The following ARHGEF12 variants were observed in gnomAD, a reference collection of about 807,000 sequenced individuals.
The protein encoded by ARHGEF12 is KMT2A/ARHGEF12 fusion protein.
In ARHGEF12, 66 loss-of-function variants were observed where a neutral mutation model predicts 211.2. The ratio of observed to expected loss-of-function variants is 0.31; its 90% CI spans 0.26 to 0.38. The LOEUF (loss-of-function observed/expected upper bound fraction) is 0.38, where lower values mean the gene tolerates loss of function less well. ARHGEF12 is among the 10% of genes least tolerant of loss of function. The pLI is 1.00. For missense variants in ARHGEF12, 1,429 were observed against 1,869.5 expected (o/e 0.76, Z 4.34); for synonymous variants, 592 against 638.4 (o/e 0.93, Z 1.09).
intron 1 of ARHGEF12, among the ~76,000 whole-genome samples, chr11:120,355,842 T>C (rs938206348): frequency 2.6e-5 from 4 of 152,372 alleles, no homozygotes; most frequent in African/African-American, 4.8e-5. Context: ...TTAAGATAAA[T>C]TACAGGAGTA....
At position 120,440,230 on chromosome 11, in the gene ARHGEF12, T is replaced by A. The variant is rs1945829983; in HGVS notation, c.1092+9T>A. The A allele has an allele frequency of 6.3e-7, 1 of 1,596,206 alleles. No homozygotes were observed. Among genetic ancestry groups the A allele is most frequent in the Non-Finnish European group, 8.6e-7 (1 of 1,169,470 alleles). On this transcript the variant is annotated intron_variant, in intron 13 of 40. Transcript: ENST00000397843. The stretch of plus-strand genomic sequence containing the variant: ...GTACTGAACATGAACAGGTGATGAC[T>A]TTTTTCTTTCTAAAAAATAGATTGT...
At chr11:120,482,134 C>A (rs1947263374) in intron 39 of ARHGEF12, among the ~76,000 whole-genome samples, 1 of 152,144 alleles carries the variant, frequency 6.6e-6, no homozygotes, top group South Asian at 2.1e-4. Context: ...GTATGGGTGT[C>A]TAAGTTTAAG....
rs2136040989 is a variant in ARHGEF12, at chr11:120,487,061, G to GGGTT, written c.*1985_*1988dup. 1.4e-5 allele frequency: 3 copies of GGGTT among 216,796 alleles called. No homozygotes were observed. In the East Asian group the frequency reaches 2.0e-4, roughly 15 times the overall value. The allele number at this position is 216,796 out of a possible 1,614,324, so 13.4% of individuals were successfully genotyped here. ...GAAATAATGTCATTCTCAATTAAAAGGGTTACACCTGTAGCCACTTGACAC... is the reference window on the plus strand; with the variant it reads ...GAAATAATGTCATTCTCAATTAAAAGGGTTGGTTACACCTGTAGCCACTTGACAC... On this transcript the variant is annotated 3_prime_UTR_variant, in exon 41 of 41. Transcript: ENST00000397843.
intron 1 of ARHGEF12, among the ~76,000 whole-genome samples, chr11:120,349,671 G>A (rs543096423): frequency 1.3e-5 from 2 of 152,264 alleles, no homozygotes; most frequent in African/African-American, 2.4e-5. Context: ...CAGAATTGTC[G>A]TGACGATTAA....
chr11:120,450,287 C>G (rs1043134981), intron 21 of ARHGEF12: 4 of 140,306 alleles, frequency 2.9e-5, no homozygotes, highest in African/African-American at 1.1e-4. Context: ...GGTAGTATTG[C>G]TTTAGTCTGG....
chr11:120,389,733 G>A (rs137883381), intron 1 of ARHGEF12, among the ~76,000 whole-genome samples: 2,808 of 152,258 alleles, frequency 0.018, 42 homozygotes, highest in Non-Finnish European at 0.029. Flanking sequence ...CATGAGTTCA[G>A]TTGTTTTAAT....
rs774457237 is a variant in ARHGEF12, at chr11:120,451,596, C to G, written c.1928C>G (p.Ser643Cys). Residue 643 changes from serine to cysteine, a missense_variant, in exon 22 of 41, where the codon TCT (serine) becomes TGT (cysteine). By Grantham distance (112) the Ser-to-Cys change is moderately radical. Transcript: ENST00000397843. ...PSSVSPEPQDSAKLRQSGLAN... is the reference protein window; with the variant it reads ...PSSVSPEPQDCAKLRQSGLAN... ...TCTGTGAGTCCTGAACCTCAGGACT[C>G]TGCCAAGTTGCGCCAGAGTGGGTTA... 83 of 1,614,072 alleles carry G rather than the reference C, an allele frequency of 5.1e-5. No individual in the cohort carries two copies. Among genetic ancestry groups the G allele is most frequent in the Non-Finnish European group, 6.9e-5 (81 of 1,180,048 alleles).
intron 7 of ARHGEF12, among the ~76,000 whole-genome samples, chr11:120,425,088 A>G (rs1945299518): frequency 6.6e-6 from 1 of 152,170 alleles, no homozygotes. Context: ...TCAAAGGTGG[A>G]TTCACGAACC....
intron 30 of ARHGEF12, among the ~76,000 whole-genome samples, chr11:120,470,247 G>A (rs1946829822): frequency 6.6e-6 from 1 of 152,208 alleles, no homozygotes; most frequent in African/African-American, 2.4e-5. Context: ...AAGAAGGGTG[G>A]TGGATGAAAG....
At chr11:120,460,273 C>T (rs557493459) in intron 26 of ARHGEF12, among the ~76,000 whole-genome samples, 1 of 152,274 alleles carries the variant, frequency 6.6e-6, no homozygotes, top group East Asian at 1.9e-4. Context: ...CACAGGCATG[C>T]ATTGACAAGT....
rs1292158379 is a variant in ARHGEF12 at position 120,477,082 on chromosome 11, TTG to T, written c.3366-135_3366-134del. 6 of 231,894 alleles carry T rather than the reference TTG, an allele frequency of 2.6e-5. No homozygotes were observed. The African/African-American group carries it at 4.1e-4, about 16-fold the overall frequency. 14.4% of individuals were successfully genotyped at this position (231,894 alleles called of 1,614,324 possible). On this transcript the variant is annotated intron_variant, in intron 34 of 40. Coordinates refer to ENST00000397843, the MANE Select transcript of ARHGEF12 (RefSeq NM_015313.3). ...AAGATATTCTCTGGCAGAGTGGGTT[TTG>T]TTGTTGTTGTTGTTGTTGTTGTTGT...
intron 1 of ARHGEF12, among the ~76,000 whole-genome samples, chr11:120,404,152 C>T (rs1312932929): frequency 1.3e-5 from 2 of 152,182 alleles, no homozygotes; most frequent in African/African-American, 4.8e-5. Context: ...AGGTTGATAA[C>T]TCAAATCTGC....
At chr11:120,445,238 C>CA (rs1946008570) in intron 15 of ARHGEF12, among the ~76,000 whole-genome samples, 184 bp from the exon 16 acceptor site, 1 of 152,136 alleles carries the variant, frequency 6.6e-6, no homozygotes, top group African/African-American at 2.4e-5. Context: ...GAAAAGGGCT[C>CA]ATTTTCAAGT....
chr11:120,395,856 A>C (rs957422079), intron 1 of ARHGEF12, among the ~76,000 whole-genome samples: 1 of 152,156 alleles, frequency 6.6e-6, no homozygotes, highest in Non-Finnish European at 1.5e-5. Flanking sequence ...GGGTGGGGAC[A>C]CAGCCAAACC....
At chr11:120,447,845 T>C (rs1946087509) in intron 18 of ARHGEF12, 29 bp from the exon 19 acceptor site, 1 of 1,480,674 alleles carries the variant, frequency 6.8e-7, no homozygotes, top group Non-Finnish European at 9.1e-7. Context: ...CCATATTTCA[T>C]TTTTAAATTT....
intron 1 of ARHGEF12, among the ~76,000 whole-genome samples, chr11:120,389,820 C>T (rs1447787596): frequency 2.0e-5 from 3 of 152,158 alleles, no homozygotes; most frequent in African/African-American, 7.2e-5. Flanking sequence ...ACCATAATGA[C>T]GTCCATTTCC....
chr11:120,437,225 C>A, intron 11 of ARHGEF12, 83 bp from the exon 12 acceptor site: 1 of 897,214 alleles, frequency 1.1e-6, no homozygotes, highest in African/African-American at 1.7e-5. Flanking sequence ...AAATTCAGAA[C>A]AATTTTTTTT....
At position 120,451,505 on chromosome 11, in the gene ARHGEF12, T is replaced by C; in HGVS notation, c.1844-7T>C. On this transcript the variant is annotated splice_polypyrimidine_tract_variant and splice_region_variant and intron_variant, in intron 21 of 40. Coordinates refer to ENST00000397843, the MANE Select transcript of ARHGEF12 (RefSeq NM_015313.3). ...ATACAGATTATTAACCATCATTTTCTGATCAGTTGGCAGAGCCATGGAACT... is the reference window on the plus strand; with the variant it reads ...ATACAGATTATTAACCATCATTTTCCGATCAGTTGGCAGAGCCATGGAACT... 1 of 1,613,760 alleles carries C rather than the reference T, an allele frequency of 6.2e-7. No individual in the cohort carries two copies. Among genetic ancestry groups the C allele is most frequent in the Non-Finnish European group, 8.5e-7 (1 of 1,179,906 alleles).
At chr11:120,397,499 A>G (rs1944426298) in intron 1 of ARHGEF12, among the ~76,000 whole-genome samples, 1 of 152,242 alleles carries the variant, frequency 6.6e-6, no homozygotes, top group Admixed American at 6.5e-5. Context: ...TTGTTATAAC[A>G]TTCTTTATTA....
Sources: gnomAD v4.1 joint callset for allele counts (sites outside exome capture counted in the v4.1 genomes callset) on GRCh38, gnomAD v4.1.1 for gene constraint, MANE v1.5 for transcripts, NCBI Gene and HGNC (gene_info 2026-07-23, HGNC 2026-07-21) for gene names.